Variants in HSD17B12 observed in about 807,000 individuals in gnomAD.
HSD17B12 encodes very-long-chain 3-oxoacyl-CoA reductase.
HSD17B12 carries 32 observed loss-of-function variants against 39.3 expected under a neutral mutation model. That is an observed-to-expected ratio of 0.81 (90% CI 0.61 to 1.09). The LOEUF (loss-of-function observed/expected upper bound fraction) is 1.09, where lower values mean the gene tolerates loss of function less well. Ranked by LOEUF, HSD17B12 falls within the 50% of genes least tolerant of loss-of-function variation. HSD17B12 has a pLI of 0.00. For synonymous variants in HSD17B12, 150 were observed against 146.7 expected (o/e 1.02, Z -0.16); for missense variants, 342 against 382.9 (o/e 0.89, Z 0.89).
chr11:43,573,358 G>T, the HSD17B12 span, among the ~76,000 whole-genome samples: 2 of 152,152 alleles, frequency 1.3e-5, no homozygotes, highest in African/African-American at 4.8e-5. Context: ...TAGCTATGGA[G>T]GTCTAACTTT....
chr11:43,739,832 C>T (rs191197614), intron 1 of HSD17B12, among the ~76,000 whole-genome samples: 10 of 152,180 alleles, frequency 6.6e-5, no homozygotes, highest in Admixed American at 5.9e-4. Flanking sequence ...CTGGGGCATG[C>T]TTGAGTGGAA....
the HSD17B12 span, among the ~76,000 whole-genome samples, chr11:43,604,806 C>G: frequency 2.0e-5 from 3 of 152,142 alleles, no homozygotes; most frequent in Non-Finnish European, 4.4e-5. Context: ...CTAAAATTGA[C>G]AAATTTTTCA....
chr11:43,613,933 C>T, the HSD17B12 span, among the ~76,000 whole-genome samples: 3 of 152,166 alleles, frequency 2.0e-5, no homozygotes, highest in Non-Finnish European at 4.4e-5. Flanking sequence ...TCCCAAAGTT[C>T]TGGGATTACA....
At chr11:43,628,226 G>T in the HSD17B12 span, among the ~76,000 whole-genome samples, 1 of 151,736 alleles carries the variant, frequency 6.6e-6, no homozygotes, top group Non-Finnish European at 1.5e-5. Context: ...CTATCCAAAT[G>T]TTACAAACAA....
chr11:43,826,019 C>G (rs1951232522), intron 6 of HSD17B12, among the ~76,000 whole-genome samples: 1 of 151,798 alleles, frequency 6.6e-6, no homozygotes, highest in Non-Finnish European at 1.5e-5. Flanking sequence ...AAACTCTTAG[C>G]ATACTATAGT....
chr11:43,683,109 T>TG (rs1364278686), intron 1 of HSD17B12, among the ~76,000 whole-genome samples: 2 of 151,660 alleles, frequency 1.3e-5, no homozygotes, highest in African/African-American at 2.4e-5. Context: ...TTTTTGTTTT[T>TG]TTTTTTTTTT....
At chr11:43,711,439 A>G (rs1009907258) in intron 1 of HSD17B12, among the ~76,000 whole-genome samples, 3 of 150,362 alleles carry the variant, frequency 2.0e-5, no homozygotes, top group Admixed American at 1.3e-4. Context: ...TACTTTTAAA[A>G]CTATGGTGTG....
the HSD17B12 span, among the ~76,000 whole-genome samples, chr11:43,585,151 G>A: frequency 6.6e-6 from 1 of 152,200 alleles, no homozygotes; most frequent in Non-Finnish European, 1.5e-5. Context: ...GGCCTAGGAT[G>A]CATGGGAGAA....
chr11:43,701,372 C>T (rs766753332), intron 1 of HSD17B12, among the ~76,000 whole-genome samples: 5 of 152,072 alleles, frequency 3.3e-5, no homozygotes, highest in African/African-American at 1.2e-4. Flanking sequence ...GCTTTAGTTG[C>T]CTGTGCTTGT....
chr11:43,732,816 A>C (rs1328056636), intron 1 of HSD17B12, among the ~76,000 whole-genome samples: 1 of 152,150 alleles, frequency 6.6e-6, no homozygotes, highest in Non-Finnish European at 1.5e-5. Flanking sequence ...TCTGTTGCCC[A>C]GGCTGAAGTG....
At chr11:43,853,961 T>C (rs1565114076) in intron 9 of HSD17B12, 1 of 152,240 alleles carries the variant, frequency 6.6e-6, no homozygotes. Flanking sequence ...TTCCTTATAC[T>C]CTGTGTTGAA....
intron 4 of HSD17B12, among the ~76,000 whole-genome samples, chr11:43,807,827 GA>G (rs1565096667): frequency 2.6e-5 from 4 of 152,154 alleles, no homozygotes; most frequent in Admixed American, 1.3e-4. Context: ...TAAAGAAGAA[GA>G]AGAATGGTTT....
chr11:43,629,649 G>C, the HSD17B12 span, among the ~76,000 whole-genome samples: 5 of 152,194 alleles, frequency 3.3e-5, no homozygotes, highest in African/African-American at 1.2e-4. Context: ...AGGCTCAATA[G>C]TGTTTAGCAT....
At chr11:43,784,674 G>A (rs953954104) in intron 3 of HSD17B12, among the ~76,000 whole-genome samples, 6 of 152,122 alleles carry the variant, frequency 3.9e-5, no homozygotes, top group Admixed American at 1.3e-4. Context: ...AGGGTAATAC[G>A]CAGGGGAGCA....
Position 43,792,722 on chromosome 11 carries a change from T to C in HSD17B12, c.284-5598T>C, listed in dbSNP as rs1272270560. ...TTTTTTTTGAGAGCTGGAGTCTTGC[T>C]ATGTTGTCCTGGCTGGTCTCAAACT... On this transcript the variant is annotated intron_variant, in intron 3 of 10. Transcript: ENST00000278353. Among the ~76,000 whole-genome samples, 3 of 141,304 alleles carry C rather than the reference T, an allele frequency of 2.1e-5. No homozygotes were observed. The Admixed American group carries it at 2.2e-4, about 10-fold the overall frequency. 92.7% of individuals were successfully genotyped at this position (141,304 alleles called of 152,430 possible).
chr11:43,797,478 A>T (rs1950925529), intron 3 of HSD17B12, among the ~76,000 whole-genome samples: 1 of 152,194 alleles, frequency 6.6e-6, no homozygotes, highest in Non-Finnish European at 1.5e-5. Flanking sequence ...ATTTTCACCA[A>T]AGGATGGTGA....
intron 1 of HSD17B12, among the ~76,000 whole-genome samples, chr11:43,687,319 C>T (rs1314619487): frequency 6.6e-6 from 1 of 152,114 alleles, no homozygotes; most frequent in African/African-American, 2.4e-5. Context: ...ATTCATTTGC[C>T]CATTTATCCA....
At chr11:43,714,123 TTTAA>T in intron 1 of HSD17B12, among the ~76,000 whole-genome samples, 2 of 152,332 alleles carry the variant, frequency 1.3e-5, no homozygotes, top group Admixed American at 1.3e-4. Context: ...AGCTCTTTGG[TTTAA>T]TTAGATCCCA....
chr11:43,677,491 T>C (rs1410672324), upstream of HSD17B12, among the ~76,000 whole-genome samples: 5 of 152,198 alleles, frequency 3.3e-5, no homozygotes, highest in Non-Finnish European at 7.3e-5. Context: ...GTCCACAATG[T>C]GCAGGTTTGT....
Sources: gnomAD v4.1 joint callset for allele counts (sites outside exome capture counted in the v4.1 genomes callset) on GRCh38, gnomAD v4.1.1 for gene constraint, MANE v1.5 for transcripts, NCBI Gene and HGNC (gene_info 2026-07-23, HGNC 2026-07-21) for gene names.